Variants in CARM1 observed in about 807,000 individuals in gnomAD.
The protein encoded by CARM1 is coactivator associated arginine methyltransferase 1.
CARM1 carries 14 observed loss-of-function variants against 72.7 expected under a neutral mutation model. The observed-to-expected ratio is 0.19, with a 90% CI of 0.13 to 0.30. CARM1 has a LOEUF of 0.30. CARM1 is among the 10% of genes least tolerant of loss of function. The pLI is 1.00. For missense variants in CARM1, 432 were observed against 833.7 expected (o/e 0.52, Z 5.93); for synonymous variants, 333 against 345.5 (o/e 0.96, Z 0.40).
chr19:10,921,518 C>CGCCTGCCCTCTT (rs1248442469), intron 15 of CARM1, 75 bp downstream of exon 15: 2 of 1,566,578 alleles, frequency 1.3e-6, no homozygotes, highest in East Asian at 2.3e-5. Context: ...TCCGGCCGCC[C>CGCCTGCCCTCTT]GCCTGCCCTC....
intron 1 of CARM1, among the ~76,000 whole-genome samples, chr19:10,877,988 CAT>C (rs755204952): frequency 5.9e-5 from 9 of 152,160 alleles, no homozygotes; most frequent in Admixed American, 1.3e-4. Flanking sequence ...ACTACAAGCA[CAT>C]GTCACCACCC....
intron 2 of CARM1, among the ~76,000 whole-genome samples, chr19:10,907,016 C>G (rs1166732014): frequency 1.3e-5 from 2 of 151,756 alleles, no homozygotes; most frequent in Non-Finnish European, 2.9e-5. Context: ...AAGTGATTCT[C>G]CCACCTCAGC....
intron 4 of CARM1, among the ~76,000 whole-genome samples, chr19:10,911,859 C>T (rs1294784517): frequency 6.6e-6 from 1 of 152,220 alleles, no homozygotes; most frequent in Non-Finnish European, 1.5e-5. Flanking sequence ...TTCCTCCATG[C>T]TAGAACTGCG....
At chr19:10,873,624 G>GTTTTTTTTTTTTTTTT (rs1169565864) in intron 1 of CARM1, among the ~76,000 whole-genome samples, 1 of 47,346 alleles carries the variant, frequency 2.1e-5, no homozygotes, top group Non-Finnish European at 3.6e-5. Context: ...TTTTAGTTTA[G>GTTTTTTTTTTTTTTTT]TTTTTTTTTT....
At chr19:10,914,542 C>T (rs1174966839) in intron 6 of CARM1, among the ~76,000 whole-genome samples, 1 of 152,178 alleles carries the variant, frequency 6.6e-6, no homozygotes, top group African/African-American at 2.4e-5. Flanking sequence ...TGGGTATGGC[C>T]TCTGGTCACT....
intron 3 of CARM1, 94 bp from the exon 4 acceptor site, chr19:10,909,009 C>A (rs1024882300): frequency 2.2e-6 from 2 of 903,342 alleles, no homozygotes; most frequent in East Asian, 2.5e-5. Flanking sequence ...GGTTTGTGCC[C>A]TAGATGGCCC....
At chr19:10,906,041 C>T (rs8100645) in intron 2 of CARM1, among the ~76,000 whole-genome samples, 186 of 151,122 alleles carry the variant, frequency 1.2e-3, no homozygotes, top group African/African-American at 4.1e-3. Context: ...CTCCACCTCC[C>T]GGGTTCAAGG....
At chr19:10,903,710 G>A (rs980121635) in intron 1 of CARM1, among the ~76,000 whole-genome samples, 2 of 151,976 alleles carry the variant, frequency 1.3e-5, no homozygotes, top group Non-Finnish European at 2.9e-5. Context: ...ACAGGTGTGA[G>A]CCACTCTGTC....
In CARM1 at chr19:10,896,809, G is replaced by T. The variant is rs558287107; in HGVS notation, c.221-8142G>T. Among the ~76,000 whole-genome samples the T allele has an allele frequency of 6.6e-6, 1 of 152,318 alleles. No homozygotes were observed. The highest frequency in any genetic ancestry group is 2.4e-5 in the African/African-American group (1 of 41,560). ...GGGGATCTCTGTCAGTCTGCCACTCGGCTGTCCTCACCGCCTCTAGGATGG... is the reference window on the plus strand; with the variant it reads ...GGGGATCTCTGTCAGTCTGCCACTCTGCTGTCCTCACCGCCTCTAGGATGG... On this transcript the variant is annotated intron_variant, in intron 1 of 15. Coordinates refer to ENST00000327064, the MANE Select transcript of CARM1 (RefSeq NM_199141.2). This position sits in a 1 kb window ranked among gnomAD's most constrained non-coding sequence, Gnocchi z 5.2.
At position 10,921,426 on chromosome 19, in the gene CARM1, G is replaced by A. The variant is rs2074247479; in HGVS notation, c.1667G>A (p.Ser556Asn). The A allele has an allele frequency of 6.2e-7, 1 of 1,609,594 alleles. No homozygotes were observed. The highest frequency in any genetic ancestry group is 1.7e-5 in the Admixed American group (1 of 58,410). Reference protein sequence around the residue: ...HTHSRMGSIMSTGIVQGSSGA... With the variant: ...HTHSRMGSIMNTGIVQGSSGA... ...CACTCCCGGATGGGCTCCATAATGA[G>A]CACGGGGATTGTCCAAGGTAACGAG... The change falls in exon 15 of 16, where the codon AGC (serine) becomes AAC (asparagine). Residue 556 changes from serine (S) to asparagine (N), a missense_variant. By Grantham distance (46) the Ser-to-Asn change is conservative (BLOSUM62 1). Coordinates refer to ENST00000327064, the MANE Select transcript of CARM1 (RefSeq NM_199141.2).
intron 1 of CARM1, among the ~76,000 whole-genome samples, chr19:10,874,242 C>A (rs2073845293): frequency 6.6e-6 from 1 of 152,034 alleles, no homozygotes; most frequent in Non-Finnish European, 1.5e-5. Flanking sequence ...TGAGCCACCC[C>A]ACCTGACCGG....
In CARM1 at chr19:10,920,107, A is replaced by G. The variant is rs1738911842; in HGVS notation, c.1196+141A>G. On this transcript the variant is annotated intron_variant, in intron 10 of 15. Coordinates refer to ENST00000327064, the MANE Select transcript of CARM1 (RefSeq NM_199141.2). The surrounding 1 kb of genome is among the most constrained non-coding windows in gnomAD (Gnocchi z 5.3). The stretch of plus-strand genomic sequence containing the variant: ...GAGTGAGAGCCTGTCTCGGAGCAAG[A>G]GACTGTTGTGGGTGGGGTGTGTGTG... 1 of 701,388 alleles carries G rather than the reference A, an allele frequency of 1.4e-6. No individual in the cohort carries two copies. Among genetic ancestry groups the G allele is most frequent in the Non-Finnish European group, 2.5e-6 (1 of 404,830 alleles). The allele number at this position is 701,388 out of a possible 1,614,324, so 43.4% of individuals were successfully genotyped here.
At position 10,880,402 on chromosome 19, in the gene CARM1, G is replaced by A. The variant is rs948844308; in HGVS notation, c.220+8480G>A. Among the ~76,000 whole-genome samples the A allele has an allele frequency of 3.9e-5, 6 of 152,056 alleles. 1 individual carries two copies. The highest frequency in any genetic ancestry group is 5.9e-5 in the Non-Finnish European group (4 of 68,022). ...GCTGTGTCACCCAGGCTGGAGTGCAGTGACACGATCATAGCTCATTGCAGC... is the reference window on the plus strand; with the variant it reads ...GCTGTGTCACCCAGGCTGGAGTGCAATGACACGATCATAGCTCATTGCAGC... On this transcript the variant is annotated intron_variant, in intron 1 of 15. Transcript: ENST00000327064.
rs1022182038 is a variant in CARM1 at position 10,915,810 on chromosome 19, C to T, written c.848-597C>T. Reference sequence around the variant, plus strand: ...CTGACTCATGCGTCTACCCTTGAGTCACAGAGGGAGGCCCTGCCCTTCCCT... The same window carrying T: ...CTGACTCATGCGTCTACCCTTGAGTTACAGAGGGAGGCCCTGCCCTTCCCT... On this transcript the variant is annotated intron_variant, in intron 6 of 15. Coordinates refer to ENST00000327064, the MANE Select transcript of CARM1 (RefSeq NM_199141.2). The surrounding 1 kb of genome is among the most constrained non-coding windows in gnomAD (Gnocchi z 4.6). 1.4e-4 allele frequency among the ~76,000 whole-genome samples: 21 copies of T among 152,264 alleles called. No individual in the cohort carries two copies. The highest frequency in any genetic ancestry group is 1.0e-3 in the Admixed American group (16 of 15,308).
chr19:10,914,565 CTT>C (rs1425043052), intron 6 of CARM1, among the ~76,000 whole-genome samples: 3 of 152,122 alleles, frequency 2.0e-5, no homozygotes, highest in South Asian at 4.1e-4. Context: ...GTGACTGTTT[CTT>C]TTTTTGAGAC....
Position 10,922,596 on chromosome 19 carries a change from T to C in CARM1, c.*839T>C, listed in dbSNP as rs926231302. On this transcript the variant is annotated 3_prime_UTR_variant, in exon 16 of 16. Coordinates refer to ENST00000327064, the MANE Select transcript of CARM1 (RefSeq NM_199141.2). The stretch of plus-strand genomic sequence containing the variant: ...TGTCACGGAAGGCGTCCTTTTTCCT[T>C]GTAGCTAACGTTAGGCCTGAGTAGC... 6.6e-6 allele frequency: 1 copy of C among 152,154 alleles called. No individual in the cohort carries two copies. The highest frequency in any genetic ancestry group is 1.5e-5 in the Non-Finnish European group (1 of 68,082). 9.4% of individuals were successfully genotyped at this position (152,154 alleles called of 1,614,324 possible). A position where few individuals can be genotyped will look rare whatever the true frequency, so the allele number is the denominator to read the frequency against.
At position 10,921,995 on chromosome 19, in the gene CARM1, G is replaced by C; in HGVS notation, c.*238G>C. On this transcript the variant is annotated 3_prime_UTR_variant, in exon 16 of 16. Coordinates refer to ENST00000327064, the MANE Select transcript of CARM1 (RefSeq NM_199141.2). Reference sequence around the variant, plus strand: ...TTTTACACAAAATCATGTTGTGGGAGCCCTCGTCCCCCCTCCTGCCCGCTC... The same window carrying C: ...TTTTACACAAAATCATGTTGTGGGACCCCTCGTCCCCCCTCCTGCCCGCTC... The C allele has an allele frequency of 2.3e-6, 1 of 442,736 alleles. No individual in the cohort carries two copies. Among genetic ancestry groups the C allele is most frequent in the Non-Finnish European group, 4.0e-6 (1 of 247,296 alleles). The allele number at this position is 442,736 out of a possible 1,614,324, so 27.4% of individuals were successfully genotyped here.
rs1284864999 is a variant in CARM1 at position 10,920,388 on chromosome 19, A to G, written c.1197-48A>G. ...TCAAGGCATACAAGGTGGTGGCTCC[A>G]GTGGTGGCGCCGGCCCAGTCAAGTA... On this transcript the variant is annotated intron_variant, in intron 10 of 15. Coordinates refer to ENST00000327064, the MANE Select transcript of CARM1 (RefSeq NM_199141.2). This position sits in a 1 kb window ranked among gnomAD's most constrained non-coding sequence, Gnocchi z 5.3. 1.9e-6 allele frequency: 3 copies of G among 1,583,420 alleles called. No individual in the cohort carries two copies. The highest frequency in any genetic ancestry group is 2.7e-5 in the African/African-American group (2 of 74,240).
chr19:10,871,781 G>T lies in CARM1; in HGVS notation c.79G>T (p.Ala27Ser). ...SAVPGGAGPC[A>S]TVSVFPGARL... ...GGTCCCGGGCGGCGCGGGGCCCTGC[G>T]CTACCGTGTCGGTGTTCCCCGGCGC... The change falls in exon 1 of 16, where the codon GCT becomes TCT. Residue 27 changes from alanine to serine, a missense_variant. Physicochemically the swap from Ala to Ser is moderately conservative, Grantham distance 99. Coordinates refer to ENST00000327064, the MANE Select transcript of CARM1 (RefSeq NM_199141.2). The surrounding 1 kb of genome is among the most constrained non-coding windows in gnomAD (Gnocchi z 5.6). The T allele has an allele frequency of 8.4e-7, 1 of 1,188,294 alleles. No homozygotes were observed. The highest frequency in any genetic ancestry group is 1.0e-6 in the Non-Finnish European group (1 of 956,952). 73.6% of individuals were successfully genotyped at this position (1,188,294 alleles called of 1,614,324 possible). A position where few individuals can be genotyped will look rare whatever the true frequency, so the allele number is the denominator to read the frequency against.
Sources: gnomAD v4.1 joint callset for allele counts (sites outside exome capture counted in the v4.1 genomes callset) on GRCh38, gnomAD v4.1.1 for gene constraint, Gnocchi (gnomAD v3.1) non-coding constraint, MANE v1.5 for transcripts, NCBI Gene and HGNC (gene_info 2026-07-23, HGNC 2026-07-21) for gene names.